The following KCTD16 variants were observed in gnomAD, a reference collection of about 807,000 sequenced individuals.
The protein encoded by KCTD16 is BTB/POZ domain-containing protein KCTD16.
Under a neutral mutation model 33.2 loss-of-function variants are expected in KCTD16, and 13 were observed. That is an observed-to-expected ratio of 0.39 (90% confidence interval 0.25 to 0.62). The LOEUF is 0.62. KCTD16 is among the 20% of genes least tolerant of loss of function. KCTD16 has a pLI of 0.50. For missense variants in KCTD16, 441 were observed against 525.1 expected, an observed-to-expected ratio of 0.84 and a Z score of 1.57; for synonymous variants, 197 against 195.3, an observed-to-expected ratio of 1.01 and a Z score of -0.07.
chr5:144,204,674 G>A (rs932555741), intron 2 of KCTD16, among the ~76,000 whole-genome samples: 2 of 152,140 alleles, frequency 1.3e-5, no homozygotes, highest in African/African-American at 4.8e-5. Context: ...ACTTATGGAT[G>A]TAAACTGTGG....
intron 3 of KCTD16, among the ~76,000 whole-genome samples, chr5:144,364,992 T>C (rs29901): frequency 0.22 from 33,247 of 151,596 alleles, 3,997 homozygotes; most frequent in Non-Finnish European, 0.27. Context: ...CAAAATGGGG[T>C]GCAAGTTAAT....
chr5:144,286,690 A>G (rs971168640), intron 3 of KCTD16, among the ~76,000 whole-genome samples: 3 of 152,200 alleles, frequency 2.0e-5, no homozygotes, highest in African/African-American at 7.2e-5. Flanking sequence ...AATACTTTTT[A>G]CAAGGAGGAA....
In KCTD16 at chr5:144,482,039, A is replaced by G. The variant is rs1754712906; in HGVS notation, c.*7925A>G. The G allele has an allele frequency of 6.6e-6, 1 of 151,964 alleles. No homozygotes were observed. The highest frequency in any genetic ancestry group is 1.5e-5 in the Non-Finnish European group (1 of 67,946). 9.4% of individuals were successfully genotyped at this position (151,964 alleles called of 1,614,324 possible). On this transcript the variant is annotated 3_prime_UTR_variant, in exon 4 of 4. Coordinates refer to ENST00000512467, the MANE Select transcript of KCTD16 (RefSeq NM_020768.4). ...GATAAAGTAGCACATAAAGGCTCAT[A>G]GCTAAAAAGTGGCAGAGCCAGATTT...
chr5:144,227,664 A>G (rs1048959837), intron 3 of KCTD16, among the ~76,000 whole-genome samples: 2 of 152,220 alleles, frequency 1.3e-5, no homozygotes, highest in African/African-American at 2.4e-5. Context: ...GAACAGACTG[A>G]TGAAACCAAG....
intron 3 of KCTD16, among the ~76,000 whole-genome samples, chr5:144,348,528 G>A (rs244525): frequency 0.25 from 38,285 of 152,108 alleles, 4,976 homozygotes; most frequent in Non-Finnish European, 0.28. Context: ...CGGGTCAGTA[G>A]TTGAACTGCC....
At chr5:144,460,940 T>C (rs1754179979) in intron 3 of KCTD16, among the ~76,000 whole-genome samples, 2 of 152,200 alleles carry the variant, frequency 1.3e-5, no homozygotes, top group South Asian at 4.1e-4. Context: ...TCTCTTCTTC[T>C]GTTAAGCCAC....
In KCTD16 at chr5:144,483,911, A is replaced by G. The variant is rs1754752991; in HGVS notation, c.*9797A>G. On this transcript the variant is annotated 3_prime_UTR_variant, in exon 4 of 4. Coordinates refer to ENST00000512467, the MANE Select transcript of KCTD16 (RefSeq NM_020768.4). The stretch of plus-strand genomic sequence containing the variant: ...AAGATGTTGTCTTAAAAACATAAGA[A>G]AGAAAATCCATTTTTTTAAAGCAAT... 1 of 152,100 alleles carries G rather than the reference A, an allele frequency of 6.6e-6. No individual in the cohort carries two copies. Among genetic ancestry groups the G allele is most frequent in the East Asian group, 1.9e-4 (1 of 5,148 alleles). The allele number at this position is 152,100 out of a possible 1,614,324, so 9.4% of individuals were successfully genotyped here.
intron 3 of KCTD16, among the ~76,000 whole-genome samples, chr5:144,410,727 T>C (rs1752914529): frequency 6.6e-6 from 1 of 152,202 alleles, no homozygotes; most frequent in Non-Finnish European, 1.5e-5. Context: ...CAATATACTG[T>C]TGGGAAAATA....
At chr5:144,306,857 A>G (rs1053915643) in intron 3 of KCTD16, among the ~76,000 whole-genome samples, 4 of 152,196 alleles carry the variant, frequency 2.6e-5, no homozygotes, top group African/African-American at 9.6e-5. Context: ...CCTCCTGGGA[A>G]CTTCGTTGCT....
chr5:144,437,571 T>A (rs1314460839), intron 3 of KCTD16, among the ~76,000 whole-genome samples: 1 of 152,184 alleles, frequency 6.6e-6, no homozygotes, highest in Non-Finnish European at 1.5e-5. Flanking sequence ...CTATTAATAT[T>A]ATTGATTTCC....
chr5:144,444,772 A>G (rs548466579), intron 3 of KCTD16, among the ~76,000 whole-genome samples: 35 of 151,664 alleles, frequency 2.3e-4, no homozygotes, highest in African/African-American at 8.4e-4. Context: ...TAATTTTACT[A>G]GAAATATATT....
intron 3 of KCTD16, among the ~76,000 whole-genome samples, chr5:144,433,359 A>G (rs1431140009): frequency 2.0e-5 from 3 of 152,116 alleles, no homozygotes; most frequent in Non-Finnish European, 4.4e-5. Context: ...GACTGTACTG[A>G]ATGGGACTTA....
chr5:144,182,119 G>A (rs1408014740), intron 2 of KCTD16, among the ~76,000 whole-genome samples: 1 of 151,786 alleles, frequency 6.6e-6, no homozygotes, highest in Non-Finnish European at 1.5e-5. Flanking sequence ...GGCCACTAGA[G>A]TTAAGCTCTC....
chr5:144,254,102 A>G (rs758127666), intron 3 of KCTD16, among the ~76,000 whole-genome samples: 7 of 151,790 alleles, frequency 4.6e-5, no homozygotes, highest in East Asian at 1.9e-4. Context: ...GAGAAAACCA[A>G]TCTGGTTGGC....
At chr5:144,338,861 C>T (rs1342225164) in intron 3 of KCTD16, among the ~76,000 whole-genome samples, 1 of 152,102 alleles carries the variant, frequency 6.6e-6, no homozygotes, top group Non-Finnish European at 1.5e-5. Context: ...TTCAGATTCT[C>T]CTCACTTTTA....
intron 3 of KCTD16, among the ~76,000 whole-genome samples, chr5:144,311,313 A>G (rs1374064664): frequency 6.6e-6 from 1 of 152,220 alleles, no homozygotes. Flanking sequence ...TAGTAGTAGT[A>G]TCTAACTTAT....
intron 3 of KCTD16, among the ~76,000 whole-genome samples, chr5:144,473,418 G>A (rs1247818413): frequency 6.6e-6 from 1 of 152,116 alleles, no homozygotes; most frequent in African/African-American, 2.4e-5. Flanking sequence ...CCGTGCTCAT[G>A]GGCTTAAGCA....
chr5:144,353,002 C>A (rs1254230829), intron 3 of KCTD16, among the ~76,000 whole-genome samples: 2 of 152,148 alleles, frequency 1.3e-5, no homozygotes, highest in Non-Finnish European at 2.9e-5. Context: ...AGGTAACATG[C>A]CTTTTAGGCT....
intron 2 of KCTD16, among the ~76,000 whole-genome samples, chr5:144,196,787 G>A (rs1752947290): frequency 6.6e-6 from 1 of 152,160 alleles, no homozygotes; most frequent in South Asian, 2.1e-4. Flanking sequence ...ACAATTGTCT[G>A]ATGTCCTCTG....
Sources: allele counts gnomAD v4.1 joint callset (sites outside exome capture counted in the v4.1 genomes callset), GRCh38; gene constraint gnomAD v4.1.1; transcripts MANE v1.5; gene names NCBI Gene and HGNC (gene_info 2026-07-23, HGNC 2026-07-21).